UGT8: variants seen among roughly 807,000 people sequenced by gnomAD.
UGT8 encodes 2-hydroxyacylsphingosine 1-beta-galactosyltransferase.
UGT8 carries 12 observed loss-of-function variants against 40.5 expected under a neutral mutation model. That is an observed-to-expected ratio of 0.30 (90% CI 0.19 to 0.48). The LOEUF (loss-of-function observed/expected upper bound fraction) is 0.48, where lower values mean the gene tolerates loss of function less well. Ranked by LOEUF, UGT8 falls within the 20% of genes least tolerant of loss-of-function variation. The pLI is 0.99. For synonymous variants in UGT8, 224 were observed against 240.4 expected (o/e 0.93, Z 0.63); for missense variants, 513 against 648.7 (o/e 0.79, Z 2.27).
intron 1 of UGT8, among the ~76,000 whole-genome samples, chr4:114,602,850 A>G (rs911056604): frequency 2.0e-5 from 3 of 152,346 alleles, no homozygotes; most frequent in South Asian, 2.1e-4. Flanking sequence ...GCTGTTTGCC[A>G]TTCTCAGGAG....
rs151012664 is a variant in UGT8 at position 114,675,469 on chromosome 4, G to A, written c.1263-456G>A. On this transcript the variant is annotated intron_variant, in intron 5 of 5. Transcript: ENST00000310836. Reference sequence around the variant, plus strand: ...AAGATAATGTGTTTAGGCCGGGCGCGGTGGCTCACGCCTGTAATCCCAGCA... The same window carrying A: ...AAGATAATGTGTTTAGGCCGGGCGCAGTGGCTCACGCCTGTAATCCCAGCA... Among the ~76,000 whole-genome samples, 168 of 152,066 alleles carry A rather than the reference G, an allele frequency of 1.1e-3. 1 individual carries two copies. Among genetic ancestry groups the A allele is most frequent in the African/African-American group, 3.4e-3 (141 of 41,480 alleles).
chr4:114,634,680 C>T (rs924496721), intron 2 of UGT8, among the ~76,000 whole-genome samples: 6 of 152,184 alleles, frequency 3.9e-5, no homozygotes, highest in Admixed American at 3.9e-4. Flanking sequence ...AATCTTCTTA[C>T]ATTTGTGGCA....
At chr4:114,628,481 T>G (rs1473673070) in intron 2 of UGT8, among the ~76,000 whole-genome samples, 3 of 152,020 alleles carry the variant, frequency 2.0e-5, no homozygotes, top group Non-Finnish European at 1.5e-5. Context: ...TATTCTAATG[T>G]TACTGATAGT....
intron 2 of UGT8, among the ~76,000 whole-genome samples, chr4:114,628,016 G>A (rs915896900): frequency 3.9e-5 from 6 of 152,162 alleles, no homozygotes; most frequent in African/African-American, 1.4e-4. Context: ...GCCAAAAATA[G>A]GTGATTCAGT....
chr4:114,624,749 A>G (rs1732081500), intron 2 of UGT8, among the ~76,000 whole-genome samples: 1 of 152,164 alleles, frequency 6.6e-6, no homozygotes, highest in African/African-American at 2.4e-5. Context: ...GGCTTTTCTA[A>G]TATGGCCATT....
chr4:114,638,118 T>A (rs552535473), intron 2 of UGT8, among the ~76,000 whole-genome samples: 20 of 152,224 alleles, frequency 1.3e-4, no homozygotes, highest in Non-Finnish European at 2.8e-4. Context: ...TACCCTTTTA[T>A]CATTATGATC....
chr4:114,617,453 A>G (rs1414961517), intron 1 of UGT8, among the ~76,000 whole-genome samples: 3 of 152,206 alleles, frequency 2.0e-5, no homozygotes, highest in Non-Finnish European at 4.4e-5. Flanking sequence ...CTTGAAAGCA[A>G]GCATAGAAAT....
intron 3 of UGT8, 74 bp from the exon 4 acceptor site, chr4:114,665,606 T>C: frequency 1.5e-6 from 2 of 1,329,954 alleles, no homozygotes; most frequent in Non-Finnish European, 1.0e-6. Flanking sequence ...TTAAATCTCA[T>C]AATTTAATCA....
At chr4:114,653,928 G>T (rs944525252) in intron 2 of UGT8, among the ~76,000 whole-genome samples, 5 of 151,994 alleles carry the variant, frequency 3.3e-5, no homozygotes, top group African/African-American at 1.2e-4. Flanking sequence ...CATAGAAGGT[G>T]ACCAGCAAAA....
At position 114,677,803 on chromosome 4, in the gene UGT8, A is replaced by G. The variant is rs1485090575; in HGVS notation, c.*1515A>G. 2 of 152,202 alleles carry G rather than the reference A, an allele frequency of 1.3e-5. No homozygotes were observed. Among genetic ancestry groups the G allele is most frequent in the African/African-American group, 2.4e-5 (1 of 41,456 alleles). The allele number at this position is 152,202 out of a possible 1,614,324, so 9.4% of individuals were successfully genotyped here. ...CATTTACCTAATGTCATTCACTAAC[A>G]TGGAAGAGTTGTGAAAATTCTAGAG... is the stretch of plus-strand genomic sequence containing the variant. On this transcript the variant is annotated 3_prime_UTR_variant, in exon 6 of 6. Coordinates refer to ENST00000310836, the MANE Select transcript of UGT8 (RefSeq NM_001128174.3).
chr4:114,659,289 T>C (rs2126128560), intron 2 of UGT8, among the ~76,000 whole-genome samples: 1 of 152,350 alleles, frequency 6.6e-6, no homozygotes, highest in African/African-American at 2.4e-5. Flanking sequence ...ATAAAATGAT[T>C]ATTTTTATTG....
chr4:114,640,435 CA>C (rs1733152507), intron 2 of UGT8, among the ~76,000 whole-genome samples: 2 of 151,788 alleles, frequency 1.3e-5, no homozygotes, highest in African/African-American at 4.8e-5. Flanking sequence ...CCCTAGCTGA[CA>C]TCCAAAATAA....
chr4:114,603,963 T>C (rs116549285), intron 1 of UGT8, among the ~76,000 whole-genome samples: 3,161 of 152,322 alleles, frequency 0.021, 55 homozygotes, highest in Non-Finnish European at 0.031. Context: ...GATCATACTT[T>C]TAACTTTTTT....
intron 3 of UGT8, among the ~76,000 whole-genome samples, chr4:114,664,821 A>G (rs138742464): frequency 3.3e-4 from 51 of 152,322 alleles, no homozygotes; most frequent in Non-Finnish European, 6.3e-4. Context: ...TAGGGATACA[A>G]CGTCGGTCCC....
chr4:114,603,252 A>C (rs1730542164), intron 1 of UGT8, among the ~76,000 whole-genome samples: 1 of 152,194 alleles, frequency 6.6e-6, no homozygotes, highest in African/African-American at 2.4e-5. Context: ...CGAACTGGAG[A>C]TGTGTGTCCA....
chr4:114,631,233 G>A (rs936464160), intron 2 of UGT8, among the ~76,000 whole-genome samples: 1 of 152,160 alleles, frequency 6.6e-6, no homozygotes, highest in Non-Finnish European at 1.5e-5. Flanking sequence ...TGTAATCCCA[G>A]CACTTTGGGA....
In UGT8 at chr4:114,665,680, G is replaced by A. The variant is rs1190153901; in HGVS notation, c.966G>A (p.Arg322=). ...LGRLPQKVIW[R]FSGPKPKNLG... The stretch of plus-strand genomic sequence containing the variant: ...ACTAATTGTCTGGTGTACATTTTAG[G>A]TTTTCTGGACCCAAACCAAAGAATC... The change falls in exon 4 of 6, where the codon AGG becomes AGA. Residue 322 remains arginine, a splice_region_variant and synonymous_variant. Transcript: ENST00000310836. 2 of 1,603,110 alleles carry A rather than the reference G, an allele frequency of 1.2e-6. No individual in the cohort carries two copies. The highest frequency in any genetic ancestry group is 2.3e-5 in the South Asian group (2 of 88,820).
intron 2 of UGT8, among the ~76,000 whole-genome samples, chr4:114,663,405 C>G (rs555427252): frequency 6.6e-5 from 10 of 152,076 alleles, no homozygotes; most frequent in African/African-American, 2.2e-4. Flanking sequence ...CCTCAACGTG[C>G]CGTGGCTCTA....
At chr4:114,610,687 A>G (rs1730987048) in intron 1 of UGT8, among the ~76,000 whole-genome samples, 1 of 152,166 alleles carries the variant, frequency 6.6e-6, no homozygotes, top group Non-Finnish European at 1.5e-5. Context: ...ATTTTATAAA[A>G]TAGGGAAGTT....
Sources: gnomAD v4.1 joint callset for allele counts (sites outside exome capture counted in the v4.1 genomes callset) on GRCh38, gnomAD v4.1.1 for gene constraint, MANE v1.5 for transcripts, NCBI Gene and HGNC (gene_info 2026-07-23, HGNC 2026-07-21) for gene names.